ZEB1: variants seen among roughly 807,000 people sequenced by gnomAD.
ZEB1 encodes zinc finger E-box-binding homeobox 1.
Under a neutral mutation model 84.9 loss-of-function variants are expected in ZEB1, and 21 were observed. That is an observed-to-expected ratio of 0.25 (90% CI 0.18 to 0.36). The LOEUF is 0.36. Ranked by LOEUF, ZEB1 falls within the 10% of genes least tolerant of loss-of-function variation. The pLI is 1.00. For synonymous variants in ZEB1, 420 were observed against 471.1 expected (o/e 0.89, Z 1.41); for missense variants, 1,104 against 1,330.2 (o/e 0.83, Z 2.65).
intron 1 of ZEB1, among the ~76,000 whole-genome samples, chr10:31,383,965 C>CTTT (rs66865546): frequency 5.3e-5 from 3 of 56,372 alleles, no homozygotes; most frequent in Non-Finnish European, 9.8e-5. Context: ...TAGATTAGTG[C>CTTT]TTTTTTTTTT....
At chr10:31,319,667 C>G (rs1353340634) in intron 1 of ZEB1, 1 of 248,544 alleles carries the variant, frequency 4.0e-6, no homozygotes, top group African/African-American at 2.3e-5. Flanking sequence ...TTGCTTCTTT[C>G]CGCACTTTTC....
At chr10:31,381,226 A>G (rs1301287425) in intron 1 of ZEB1, among the ~76,000 whole-genome samples, 1 of 152,196 alleles carries the variant, frequency 6.6e-6, no homozygotes, top group Non-Finnish European at 1.5e-5. Context: ...AGATGACATG[A>G]TTAATTATCT....
chr10:31,480,958 CAT>C (rs753873425), intron 2 of ZEB1, among the ~76,000 whole-genome samples: 1 of 151,970 alleles, frequency 6.6e-6, no homozygotes, highest in Non-Finnish European at 1.5e-5. Flanking sequence ...GAATAGGAAA[CAT>C]TGCCATAGTT....
chr10:31,427,094 A>G (rs80319601), intron 1 of ZEB1, among the ~76,000 whole-genome samples: 2,212 of 152,048 alleles, frequency 0.015, 57 homozygotes, highest in African/African-American at 0.051. Context: ...TAAAAAAAAA[A>G]CCCGGATGCA....
At chr10:31,362,818 C>T (rs777535433) in intron 1 of ZEB1, 33 of 883,722 alleles carry the variant, frequency 3.7e-5, no homozygotes, top group Middle Eastern at 3.2e-4. Flanking sequence ...TGAGCCACCA[C>T]GCCTGCCCTG....
Position 31,456,612 on chromosome 10 carries a change from C to G in ZEB1, c.59-4425C>G, listed in dbSNP as rs187949410. Reference sequence around the variant, plus strand: ...AACGATTTTCAGTCAGGAGCCTTTGCACATAATGAAGTATGTAGGCTGTGG... The same window carrying G: ...AACGATTTTCAGTCAGGAGCCTTTGGACATAATGAAGTATGTAGGCTGTGG... On this transcript the variant is annotated intron_variant, in intron 1 of 8. Transcript: ENST00000424869. Among the ~76,000 whole-genome samples, 568 of 152,210 alleles carry G rather than the reference C, an allele frequency of 3.7e-3. 5 individuals carry two copies. The highest frequency in any genetic ancestry group is 4.4e-3 in the Non-Finnish European group (300 of 68,002).
intron 2 of ZEB1, among the ~76,000 whole-genome samples, chr10:31,491,492 T>C (rs1238905811): frequency 3.3e-5 from 5 of 151,836 alleles, no homozygotes; most frequent in African/African-American, 9.7e-5. Context: ...TCCTAGAGCC[T>C]TCACTGCCAT....
At chr10:31,393,704 G>T (rs2050201765) in intron 1 of ZEB1, among the ~76,000 whole-genome samples, 1 of 152,070 alleles carries the variant, frequency 6.6e-6, no homozygotes. Context: ...TTTTGTTTCA[G>T]AGTTTTATTA....
At chr10:31,420,049 G>A (rs1464267698) in intron 1 of ZEB1, among the ~76,000 whole-genome samples, 1 of 152,070 alleles carries the variant, frequency 6.6e-6, no homozygotes, top group Non-Finnish European at 1.5e-5. Flanking sequence ...TTGTTCTAAT[G>A]TATACTACTA....
chr10:31,333,182 A>G (rs1378318051), intron 1 of ZEB1, among the ~76,000 whole-genome samples: 2 of 152,310 alleles, frequency 1.3e-5, no homozygotes, highest in African/African-American at 2.4e-5. Flanking sequence ...TGGAGAGGAA[A>G]GCAAGGTGTT....
chr10:31,516,349 A>T (rs2071092122), intron 6 of ZEB1, among the ~76,000 whole-genome samples: 1 of 151,884 alleles, frequency 6.6e-6, no homozygotes, highest in African/African-American at 2.4e-5. Context: ...GTATACCTTT[A>T]ACATAGCAAG....
rs146803682 is a variant in ZEB1 at position 31,526,955 on chromosome 10, G to A, written c.3069G>A (p.Ser1023=). Residue 1023 remains serine, a synonymous_variant, in exon 9 of 9, where the codon TCG becomes TCA. Transcript: ENST00000424869. ...GARASPSQGD[S]DERESLTREE... is the part of the protein sequence containing the mutation. ...GGGCGTCTCCCTCACAGGGCGACTC[G>A]GACGAGAGAGAGAGTTTGACAAGGG... The A allele has an allele frequency of 2.0e-5, 33 of 1,613,644 alleles. No individual in the cohort carries two copies. The highest frequency in any genetic ancestry group is 1.1e-4 in the South Asian group (10 of 91,012).
chr10:31,428,809 C>G (rs922233429), intron 1 of ZEB1, among the ~76,000 whole-genome samples: 3 of 152,076 alleles, frequency 2.0e-5, no homozygotes, highest in African/African-American at 7.2e-5. Flanking sequence ...TTGTATAATG[C>G]CCTTCTTTGC....
intron 1 of ZEB1, among the ~76,000 whole-genome samples, chr10:31,428,029 G>A (rs1020907409): frequency 2.0e-5 from 3 of 151,970 alleles, no homozygotes; most frequent in African/African-American, 7.3e-5. Flanking sequence ...TCCTGGATTC[G>A]TTGATCTTTT....
intron 2 of ZEB1, among the ~76,000 whole-genome samples, chr10:31,469,939 C>T (rs993015229): frequency 3.5e-4 from 53 of 152,198 alleles, no homozygotes; most frequent in Non-Finnish European, 6.8e-4. Flanking sequence ...GGAGGCACCC[C>T]CCAGCAGGGG....
chr10:31,420,464 T>C (rs1323859322), intron 1 of ZEB1, among the ~76,000 whole-genome samples: 2 of 152,122 alleles, frequency 1.3e-5, no homozygotes, highest in Admixed American at 6.6e-5. Flanking sequence ...ACAATATGGC[T>C]CTTCACCTTT....
In ZEB1 at chr10:31,520,665, A is replaced by G. The variant is rs745702294; in HGVS notation, c.1333A>G (p.Ile445Val). ...TCTTGCATCCAAAGAACAAGAAACA[A>G]TCAATGCTTCACCCATACAACAAGG... ...ANLASKEQETINASPIQQGGH... is the reference protein window; with the variant it reads ...ANLASKEQETVNASPIQQGGH... The change falls in exon 7 of 9, where the codon ATC becomes GTC. Residue 445 changes from isoleucine (I) to valine (V), a missense_variant. Ile to Val is a conservative substitution (Grantham distance 29). Coordinates refer to ENST00000424869, the MANE Select transcript of ZEB1 (RefSeq NM_001174096.2). This position sits in a 1 kb window ranked among gnomAD's most constrained non-coding sequence, Gnocchi z 5.1. 5.6e-6 allele frequency: 9 copies of G among 1,613,950 alleles called. No individual in the cohort carries two copies. In the Admixed American group the frequency reaches 1.2e-4, roughly 21 times the overall value.
At chr10:31,323,738 A>G (rs1389552840) in intron 1 of ZEB1, among the ~76,000 whole-genome samples, 1 of 151,968 alleles carries the variant, frequency 6.6e-6, no homozygotes, top group Non-Finnish European at 1.5e-5. Context: ...ATGTCTTTTC[A>G]TTTTGTGTTC....
chr10:31,437,658 G>T (rs993053491), intron 1 of ZEB1, among the ~76,000 whole-genome samples: 1 of 152,146 alleles, frequency 6.6e-6, no homozygotes, highest in Non-Finnish European at 1.5e-5. Context: ...CAACCAATAA[G>T]CCTTACTTAG....
Sources: gnomAD v4.1 joint callset for allele counts (sites outside exome capture counted in the v4.1 genomes callset) on GRCh38, gnomAD v4.1.1 for gene constraint, Gnocchi (gnomAD v3.1) non-coding constraint, MANE v1.5 for transcripts, NCBI Gene and HGNC (gene_info 2026-07-23, HGNC 2026-07-21) for gene names.